Variants in SCN8A observed in about 807,000 individuals in gnomAD.
SCN8A encodes the protein sodium channel protein type 8 subunit alpha.
A neutral mutation model predicts 184.1 loss-of-function variants in SCN8A; 30 were observed. That is an observed-to-expected ratio of 0.16 (90% CI 0.12 to 0.22). The LOEUF is 0.22. SCN8A is among the 10% of genes least tolerant of loss of function. SCN8A has a pLI of 1.00. For missense variants in SCN8A, 1,057 were observed against 2,498.9 expected, an observed-to-expected ratio of 0.42 and a Z score of 12.30; for synonymous variants, 852 against 907.0, an observed-to-expected ratio of 0.94 and a Z score of 1.09.
intron 1 of SCN8A, among the ~76,000 whole-genome samples, chr12:51,619,516 A>G (rs1015141935): frequency 4.6e-5 from 7 of 152,332 alleles, no homozygotes; most frequent in African/African-American, 1.2e-4. Context: ...ACTACAAATA[A>G]TCCATCAACT....
Position 51,787,565 on chromosome 12 carries a change from AATATAG to A in SCN8A, c.4227+743_4227+748del, listed in dbSNP as rs1250374959. ...TGATTCTCTGTTTCTTCATCTATTAAATATAGATAATGACACTTTGCATGGTTGTTA... is the reference window on the plus strand; with the variant it reads ...TGATTCTCTGTTTCTTCATCTATTAAATAATGACACTTTGCATGGTTGTTA... On this transcript the variant is annotated intron_variant, in intron 22 of 26. Transcript: ENST00000627620. 2.6e-5 allele frequency among the ~76,000 whole-genome samples: 4 copies of A among 152,234 alleles called. No individual in the cohort carries two copies. In the East Asian group the frequency reaches 7.7e-4, roughly 29 times the overall value.
chr12:51,619,415 A>G (rs1180898346), intron 1 of SCN8A, among the ~76,000 whole-genome samples: 2 of 152,342 alleles, frequency 1.3e-5, no homozygotes, highest in South Asian at 2.1e-4. Context: ...GTGAGGCTAT[A>G]TAGAATAAAT....
intron 6 of SCN8A, among the ~76,000 whole-genome samples, chr12:51,691,616 A>G (rs1444846572): frequency 1.3e-5 from 2 of 152,184 alleles, no homozygotes; most frequent in Non-Finnish European, 2.9e-5. Context: ...AGAGTCCCAG[A>G]TTCCTATTTC....
At chr12:51,801,667 A>G (rs1366461206) in intron 26 of SCN8A, among the ~76,000 whole-genome samples, 2 of 152,166 alleles carry the variant, frequency 1.3e-5, no homozygotes, top group Non-Finnish European at 1.5e-5. Context: ...AATAAATTCA[A>G]CCTGATCCAA....
chr12:51,785,297 T>A (rs1207667295), intron 21 of SCN8A, among the ~76,000 whole-genome samples: 1 of 152,206 alleles, frequency 6.6e-6, no homozygotes, highest in Non-Finnish European at 1.5e-5. Flanking sequence ...ATAAACAAAG[T>A]AATAAACACT....
chr12:51,673,011 A>G (rs1941159493), intron 2 of SCN8A, among the ~76,000 whole-genome samples: 1 of 152,090 alleles, frequency 6.6e-6, no homozygotes, highest in South Asian at 2.1e-4. Flanking sequence ...ATATTGCAGG[A>G]TGATTTTTTT....
chr12:51,638,758 T>A (rs1306433148), intron 1 of SCN8A, among the ~76,000 whole-genome samples: 1 of 152,152 alleles, frequency 6.6e-6, no homozygotes, highest in African/African-American at 2.4e-5. Context: ...GTGCTGGGAT[T>A]ATAGGCATGA....
At chr12:51,781,899 G>T (rs1937935516) in intron 21 of SCN8A, among the ~76,000 whole-genome samples, 1 of 152,210 alleles carries the variant, frequency 6.6e-6, no homozygotes, top group Admixed American at 6.5e-5. Context: ...TCTACGTGAA[G>T]CAAGACCGAT....
intron 6 of SCN8A, among the ~76,000 whole-genome samples, chr12:51,696,376 A>G (rs1941592918): frequency 6.6e-6 from 1 of 152,216 alleles, no homozygotes; most frequent in Admixed American, 6.5e-5. Context: ...GGCCCACTCC[A>G]ACCCAGTCAA....
chr12:51,780,565 C>CTTTTTTTTTTTTTTTT lies in SCN8A; in HGVS notation c.3820-60_3820-45dup, dbSNP rs528514747. On this transcript the variant is annotated intron_variant, in intron 20 of 26. Transcript: ENST00000627620. The stretch of plus-strand genomic sequence containing the variant: ...ACACTCTGGAACCTCTGTTTTCTTT[C>CTTTTTTTTTTTTTTTT]TTTTTTTTTTTTTTTTTTTTTTTTT... 59 of 297,714 alleles carry CTTTTTTTTTTTTTTTT rather than the reference C, an allele frequency of 2.0e-4. 14 individuals carry two copies. Among genetic ancestry groups the CTTTTTTTTTTTTTTTT allele is most frequent in the Middle Eastern group, 2.4e-3 (2 of 820 alleles). 18.4% of individuals were successfully genotyped at this position (297,714 alleles called of 1,614,324 possible). A position where few individuals can be genotyped will look rare whatever the true frequency, so the allele number is the denominator to read the frequency against.
rs186415235 is a variant in SCN8A, at chr12:51,649,659, A to G, written c.-54-13105A>G. Among the ~76,000 whole-genome samples the G allele has an allele frequency of 3.2e-3, 494 of 152,304 alleles. 4 individuals are homozygous for G. The highest frequency in any genetic ancestry group is 0.011 in the African/African-American group (467 of 41,566). ...CTCAGCCACAGATGGAGCAGCTGGG[A>G]CGCAGGGCACCAAGTCCCTAGACTG... On this transcript the variant is annotated intron_variant, in intron 1 of 26. Transcript: ENST00000627620.
In SCN8A at chr12:51,721,785, C is replaced by G; in HGVS notation, c.1875C>G (p.Arg625=). ...ACAGCGGCTACAGCCAGGGCAGCCGCTCCTCGCGCATCTTCCCCAGCCTGC... is the reference window on the plus strand; with the variant it reads ...ACAGCGGCTACAGCCAGGGCAGCCGGTCCTCGCGCATCTTCCCCAGCCTGC... ...SGYSGYSQGS[R]SSRIFPSLRR... Residue 625 remains arginine, a synonymous_variant, in exon 12 of 27, where the codon CGC becomes CGG. Coordinates refer to ENST00000627620, the MANE Select transcript of SCN8A (RefSeq NM_001330260.2). 1 of 1,610,638 alleles carries G rather than the reference C, an allele frequency of 6.2e-7. No homozygotes were observed. The highest frequency in any genetic ancestry group is 1.1e-5 in the South Asian group (1 of 91,004).
intron 1 of SCN8A, among the ~76,000 whole-genome samples, chr12:51,617,530 T>C (rs1939867015): frequency 6.6e-6 from 1 of 152,332 alleles, no homozygotes; most frequent in South Asian, 2.1e-4. Flanking sequence ...TGCCTTTCCT[T>C]CTTTGAGCAT....
intron 1 of SCN8A, among the ~76,000 whole-genome samples, chr12:51,643,419 A>G (rs992913425): frequency 6.6e-6 from 1 of 152,346 alleles, no homozygotes; most frequent in East Asian, 1.9e-4. Flanking sequence ...ATATATTATT[A>G]TAACGTTCAT....
intron 1 of SCN8A, among the ~76,000 whole-genome samples, chr12:51,611,645 C>G (rs1253789180): frequency 6.6e-6 from 1 of 151,950 alleles, no homozygotes. Context: ...TTACATGCAT[C>G]CCTATGCCTG....
chr12:51,680,035 G>A (rs1175036998), intron 2 of SCN8A, among the ~76,000 whole-genome samples: 1 of 152,038 alleles, frequency 6.6e-6, no homozygotes, highest in East Asian at 1.9e-4. Flanking sequence ...AAGATCCATT[G>A]TGAAAAACTG....
chr12:51,630,154 A>G (rs1435324414), intron 1 of SCN8A, among the ~76,000 whole-genome samples: 2 of 152,134 alleles, frequency 1.3e-5, no homozygotes, highest in Admixed American at 6.6e-5. Context: ...TTTTAAGTGT[A>G]TGGCTTAGTG....
chr12:51,674,524 G>A (rs1268582525), intron 2 of SCN8A, among the ~76,000 whole-genome samples: 1 of 152,078 alleles, frequency 6.6e-6, no homozygotes, highest in Non-Finnish European at 1.5e-5. Context: ...TAGTAGAGAC[G>A]GGGTTTTGCC....
intron 1 of SCN8A, among the ~76,000 whole-genome samples, chr12:51,607,930 T>C (rs1008480663): frequency 3.3e-5 from 5 of 152,160 alleles, no homozygotes; most frequent in Non-Finnish European, 7.4e-5. Context: ...ATTAGGGTGA[T>C]GCTGGCTTCA....
Sources: gnomAD v4.1 joint callset for allele counts (sites outside exome capture counted in the v4.1 genomes callset) on GRCh38, gnomAD v4.1.1 for gene constraint, MANE v1.5 for transcripts, NCBI Gene and HGNC (gene_info 2026-07-23, HGNC 2026-07-21) for gene names.